The following IARS2 variants were observed in gnomAD, a reference collection of about 807,000 sequenced individuals.
IARS2 encodes isoleucyl-tRNA synthetase 2, mitochondrial, also known as isoleucine--tRNA ligase, mitochondrial.
Under a neutral mutation model 126.3 loss-of-function variants are expected in IARS2, and 56 were observed. The ratio of observed to expected loss-of-function variants is 0.44; its 90% CI spans 0.36 to 0.55. The LOEUF is 0.55. IARS2 is among the 20% of genes least tolerant of loss of function. The probability of loss-of-function intolerance (pLI) is 0.00; values close to 1 mark genes in which losing one functional copy is unlikely to be tolerated. For synonymous variants in IARS2, 407 were observed against 441.1 expected (o/e 0.92, Z 0.97); for missense variants, 1,127 against 1,245.9 (o/e 0.90, Z 1.44).
intron 21 of IARS2, among the ~76,000 whole-genome samples, chr1:220,144,907 G>A (rs1260509016): frequency 1.3e-5 from 2 of 151,994 alleles, no homozygotes; most frequent in African/African-American, 4.8e-5. Flanking sequence ...GTCTATGTTG[G>A]TTAGCTTACA....
At chr1:220,144,668 G>A (rs752680228) in intron 21 of IARS2, among the ~76,000 whole-genome samples, 3 of 152,134 alleles carry the variant, frequency 2.0e-5, no homozygotes, top group African/African-American at 7.2e-5. Context: ...TTTGTCTTCA[G>A]TCTTTCTAAG....
At chr1:220,136,634 CAAAAA>C (rs775927970) in intron 15 of IARS2, among the ~76,000 whole-genome samples, 170 bp from the exon 16 acceptor site, 1 of 63,124 alleles carries the variant, frequency 1.6e-5, no homozygotes, top group African/African-American at 6.1e-5. Context: ...GACTCCATCT[CAAAAA>C]AAAAAAAAAA....
At chr1:220,118,579 G>A (rs1191154153) in intron 12 of IARS2, among the ~76,000 whole-genome samples, 1 of 152,028 alleles carries the variant, frequency 6.6e-6, no homozygotes, top group East Asian at 1.9e-4. Flanking sequence ...AAGATAAAAT[G>A]TAGAAACACT....
chr1:220,117,228 G>C (rs1007622894), intron 12 of IARS2, among the ~76,000 whole-genome samples: 2 of 65,906 alleles, frequency 3.0e-5, no homozygotes, highest in African/African-American at 1.2e-4. Context: ...TTTCACTCTT[G>C]TTTCCTAGGC....
At chr1:220,105,864 C>T in intron 8 of IARS2, 27 bp from the exon 9 acceptor site, 1 of 1,601,090 alleles carries the variant, frequency 6.2e-7, no homozygotes. Flanking sequence ...TAAAATGATT[C>T]TTAATAGTGG....
In IARS2 at chr1:220,145,919, A is replaced by C. The variant is rs530565091; in HGVS notation, c.2896+266A>C. Among the ~76,000 whole-genome samples, 12 of 152,280 alleles carry C rather than the reference A, an allele frequency of 7.9e-5. No individual in the cohort carries two copies. The South Asian group carries it at 2.5e-3, about 32-fold the overall frequency. ...TTTGAATAAATAATGGTCACTGTAT[A>C]TGAAGTTTATGTTAGGCTGACTTGC... On this transcript the variant is annotated intron_variant, in intron 22 of 22. Coordinates refer to ENST00000366922, the MANE Select transcript of IARS2 (RefSeq NM_018060.4).
chr1:220,102,118 CT>C lies in IARS2; in HGVS notation c.551-3del, dbSNP rs574253271. ...TGGTTTTTTAAAATCTTTTTTTCGTCTTTTTTTTAGCTAGATCATTTGCTAA... is the reference window on the plus strand; with the variant it reads ...TGGTTTTTTAAAATCTTTTTTTCGTCTTTTTTTAGCTAGATCATTTGCTAA... On this transcript the variant is annotated splice_polypyrimidine_tract_variant and intron_variant, in intron 3 of 22. Coordinates refer to ENST00000366922, the MANE Select transcript of IARS2 (RefSeq NM_018060.4). 818 of 1,585,468 alleles carry C rather than the reference CT, an allele frequency of 5.2e-4. 7 individuals are homozygous for C. The South Asian group carries it at 8.7e-3, about 17-fold the overall frequency.
intron 20 of IARS2, among the ~76,000 whole-genome samples, chr1:220,142,626 G>C (rs1473179182): frequency 6.6e-6 from 1 of 152,134 alleles, no homozygotes; most frequent in African/African-American, 2.4e-5. Context: ...TAGAAGTGTA[G>C]GAAGAGGGGG....
At chr1:220,118,999 A>G (rs1376094428) in intron 12 of IARS2, among the ~76,000 whole-genome samples, 1 of 152,184 alleles carries the variant, frequency 6.6e-6, no homozygotes, top group African/African-American at 2.4e-5. Flanking sequence ...TTCTTCTTCC[A>G]GTAAGTTACA....
chr1:220,118,087 G>T, intron 12 of IARS2: 1 of 437,362 alleles, frequency 2.3e-6, no homozygotes, highest in Admixed American at 3.3e-5. Context: ...TTTTTCTGCT[G>T]GAATCAAATG....
At position 220,141,880 on chromosome 1, in the gene IARS2, T is replaced by A. The variant is rs997716452; in HGVS notation, c.2492T>A (p.Val831Asp). Reference sequence around the variant, plus strand: ...TTAGTTGAAATTTTGGATGTAATAGTTCGTTCTTTTGCTCCCATTCTTCCT... The same window carrying A: ...TTAGTTGAAATTTTGGATGTAATAGATCGTTCTTTTGCTCCCATTCTTCCT... ...TALVEILDVI[V>D]RSFAPILPHL... The change falls in exon 20 of 23, where the codon GTT (valine) becomes GAT (aspartate). Residue 831 changes from valine (V) to aspartate (D), a missense_variant. By Grantham distance (152) the Val-to-Asp change is radical. Transcript: ENST00000366922. The A allele has an allele frequency of 2.5e-6, 4 of 1,614,062 alleles. No individual in the cohort carries two copies. Among genetic ancestry groups the A allele is most frequent in the Non-Finnish European group, 3.4e-6 (4 of 1,180,028 alleles).
chr1:220,136,927 A>C lies in IARS2; in HGVS notation c.2049+16A>C. 6.7e-7 allele frequency: 1 copy of C among 1,493,368 alleles called. No individual in the cohort carries two copies. The highest frequency in any genetic ancestry group is 9.3e-7 in the Non-Finnish European group (1 of 1,076,336). The allele number at this position is 1,493,368 out of a possible 1,614,324, so 92.5% of individuals were successfully genotyped here. A position where few individuals can be genotyped will look rare whatever the true frequency, so the allele number is the denominator to read the frequency against. On this transcript the variant is annotated intron_variant, in intron 16 of 22. Coordinates refer to ENST00000366922, the MANE Select transcript of IARS2 (RefSeq NM_018060.4). ...TGGAGGACAAGTAGGTGATTCTCTA[A>C]AATGTATTTTATTTTCGTTTTAAGG...
rs924723830 is a variant in IARS2, at chr1:220,143,676, A to T, written c.2751+542A>T. On this transcript the variant is annotated intron_variant, in intron 21 of 22. Coordinates refer to ENST00000366922, the MANE Select transcript of IARS2 (RefSeq NM_018060.4). ...TCCATCTGGACCAGATTCAAAACAAACCCAAAAAGAGTTTCCATTTTTATT... is the reference window on the plus strand; with the variant it reads ...TCCATCTGGACCAGATTCAAAACAATCCCAAAAAGAGTTTCCATTTTTATT... Among the ~76,000 whole-genome samples, 5 of 152,320 alleles carry T rather than the reference A, an allele frequency of 3.3e-5. No homozygotes were observed. The South Asian group carries it at 1.0e-3, about 32-fold the overall frequency.
At chr1:220,120,363 T>G (rs1450722896) in intron 12 of IARS2, among the ~76,000 whole-genome samples, 1 of 149,768 alleles carries the variant, frequency 6.7e-6, no homozygotes, top group Non-Finnish European at 1.5e-5. Flanking sequence ...ATTATAGGCG[T>G]GAACCACCGC....
chr1:220,118,371 C>T (rs78379784), intron 12 of IARS2: 16,688 of 208,478 alleles, frequency 0.08, 971 homozygotes, highest in South Asian at 0.15. Context: ...AGATTTGAAA[C>T]GCTGATGTTT....
chr1:220,110,954 GT>G lies in IARS2; in HGVS notation c.1479+21del, dbSNP rs1358130586. 6.2e-7 allele frequency: 1 copy of G among 1,610,020 alleles called. No homozygotes were observed. The highest frequency in any genetic ancestry group is 1.1e-5 in the South Asian group (1 of 90,062). On this transcript the variant is annotated intron_variant, in intron 11 of 22. Coordinates refer to ENST00000366922, the MANE Select transcript of IARS2 (RefSeq NM_018060.4). ...GCAGCCAAGGTATAAAAAGCATCCTGTTTTAACAGGTCGGGCATATCATTCC... is the reference window on the plus strand; with the variant it reads ...GCAGCCAAGGTATAAAAAGCATCCTGTTTAACAGGTCGGGCATATCATTCC...
At position 220,096,206 on chromosome 1, in the gene IARS2, G is replaced by A; in HGVS notation, c.370G>A (p.Val124Ile). 4 of 1,585,732 alleles carry A rather than the reference G, an allele frequency of 2.5e-6. No individual in the cohort carries two copies. The highest frequency in any genetic ancestry group is 3.4e-6 in the Non-Finnish European group (4 of 1,166,780). Reference sequence around the variant, plus strand: ...TCCTTATGCAAACGGTGACCCTCATGTTGGACATGCTTTAAATAAGGTAAC... The same window carrying A: ...TCCTTATGCAAACGGTGACCCTCATATTGGACATGCTTTAAATAAGGTAAC... ...GPPYANGDPH[V>I]GHALNKILKD... Residue 124 changes from valine (V) to isoleucine (I), a missense_variant, in exon 2 of 23, where the codon GTT becomes ATT. Val to Ile is a conservative substitution (Grantham distance 29). Coordinates refer to ENST00000366922, the MANE Select transcript of IARS2 (RefSeq NM_018060.4).
At chr1:220,130,772 T>C (rs1324548080) in intron 14 of IARS2, among the ~76,000 whole-genome samples, 1 of 152,100 alleles carries the variant, frequency 6.6e-6, no homozygotes, top group Non-Finnish European at 1.5e-5. Context: ...TTAGCCAGGA[T>C]GGGGTAGGGG....
In IARS2 at chr1:220,134,583, G is replaced by A. The variant is rs531741574; in HGVS notation, c.1946+73G>A. ...GAAGCACTATGCTGAGTACTACAGAGATGATAAGGCACCACTCTTGATTGC... is the reference window on the plus strand; with the variant it reads ...GAAGCACTATGCTGAGTACTACAGAAATGATAAGGCACCACTCTTGATTGC... On this transcript the variant is annotated intron_variant, in intron 15 of 22. Transcript: ENST00000366922. 1.8e-5 allele frequency: 15 copies of A among 817,846 alleles called. No individual in the cohort carries two copies. In the African/African-American group the frequency reaches 2.5e-4, roughly 13 times the overall value. The allele number at this position is 817,846 out of a possible 1,614,324, so 50.7% of individuals were successfully genotyped here.
Sources: gnomAD v4.1 joint callset for allele counts (sites outside exome capture counted in the v4.1 genomes callset) on GRCh38, gnomAD v4.1.1 for gene constraint, MANE v1.5 for transcripts, NCBI Gene and HGNC (gene_info 2026-07-23, HGNC 2026-07-21) for gene names.